Variants in SLC16A12 observed in about 807,000 individuals in gnomAD.
The protein encoded by SLC16A12 is monocarboxylate transporter 12.
A neutral mutation model predicts 42.4 loss-of-function variants in SLC16A12; 17 were observed. The observed-to-expected ratio is 0.40, with a 90% CI of 0.27 to 0.60. SLC16A12 has a LOEUF of 0.60. Ranked by LOEUF, SLC16A12 falls within the 20% of genes least tolerant of loss-of-function variation. The pLI is 0.42. For synonymous variants in SLC16A12, 224 were observed against 229.4 expected (o/e 0.98, Z 0.21); for missense variants, 544 against 623.0 (o/e 0.87, Z 1.35).
At chr10:89,450,756 TAAAA>T (rs1369354457) in intron 3 of SLC16A12, among the ~76,000 whole-genome samples, 2 of 151,948 alleles carry the variant, frequency 1.3e-5, no homozygotes, top group Admixed American at 1.3e-4. Context: ...TAAAGTATAA[TAAAA>T]AAAAGAAAAT....
intron 2 of SLC16A12, among the ~76,000 whole-genome samples, chr10:89,547,975 A>G (rs564265261): frequency 6.6e-6 from 1 of 151,664 alleles, no homozygotes; most frequent in East Asian, 1.9e-4. Context: ...GCAAAAAAAA[A>G]AAAAAAAAAA....
At chr10:89,479,225 C>A (rs1842626378) in intron 2 of SLC16A12, among the ~76,000 whole-genome samples, 1 of 152,154 alleles carries the variant, frequency 6.6e-6, no homozygotes, top group Non-Finnish European at 1.5e-5. Context: ...TTCTCCTTCT[C>A]CTCACTTTTC....
At chr10:89,452,064 T>C (rs956556143) in intron 3 of SLC16A12, among the ~76,000 whole-genome samples, 3 of 152,232 alleles carry the variant, frequency 2.0e-5, no homozygotes, top group African/African-American at 7.2e-5. Context: ...ATTTCTATCA[T>C]ATCCTTTTTC....
intron 3 of SLC16A12, among the ~76,000 whole-genome samples, chr10:89,461,217 T>C (rs561983073): frequency 1.3e-5 from 2 of 152,314 alleles, no homozygotes; most frequent in African/African-American, 4.8e-5. Flanking sequence ...TATTCAACAC[T>C]GACTTTGGAG....
chr10:89,489,499 C>T (rs1442074416), intron 2 of SLC16A12, among the ~76,000 whole-genome samples: 2 of 151,988 alleles, frequency 1.3e-5, no homozygotes, highest in Admixed American at 6.6e-5. Context: ...CCACTGTACC[C>T]GGCTAACTTT....
chr10:89,534,254 G>A (rs906502667), intron 2 of SLC16A12, among the ~76,000 whole-genome samples: 11 of 152,134 alleles, frequency 7.2e-5, no homozygotes, highest in African/African-American at 4.8e-5. Context: ...CCACAGTTTG[G>A]CACGACATTT....
intron 7 of SLC16A12, 34 bp downstream of exon 7, chr10:89,436,026 A>G: frequency 6.2e-7 from 1 of 1,612,798 alleles, no homozygotes; most frequent in Non-Finnish European, 8.5e-7. Context: ...TGCCAAAGAG[A>G]AAAGGTGGTT....
intron 2 of SLC16A12, among the ~76,000 whole-genome samples, chr10:89,490,033 A>G (rs1842824115): frequency 6.6e-6 from 1 of 152,190 alleles, no homozygotes; most frequent in African/African-American, 2.4e-5. Flanking sequence ...AAAAAACTAT[A>G]ACAATTTCTG....
At chr10:89,491,242 T>A (rs2133806661) in intron 2 of SLC16A12, among the ~76,000 whole-genome samples, 1 of 152,050 alleles carries the variant, frequency 6.6e-6, no homozygotes, top group East Asian at 1.9e-4. Flanking sequence ...GAGGGGATGG[T>A]TTTCTAACAG....
At chr10:89,495,409 A>T (rs1489789758) in intron 2 of SLC16A12, among the ~76,000 whole-genome samples, 1 of 152,158 alleles carries the variant, frequency 6.6e-6, no homozygotes, top group Non-Finnish European at 1.5e-5. Context: ...GTTTCTAGCT[A>T]CCACGCAAAA....
intron 4 of SLC16A12, among the ~76,000 whole-genome samples, chr10:89,443,336 C>G (rs56068644): frequency 0.011 from 1,605 of 152,292 alleles, 29 homozygotes; most frequent in African/African-American, 0.037. Context: ...GCACTTATGA[C>G]TATGTAAAAA....
rs1407352095 is a variant in SLC16A12 at position 89,462,544 on chromosome 10, G to C, written c.35C>G (p.Ser12Cys). The change falls in exon 3 of 8, where the codon TCC becomes TGC. Residue 12 changes from serine to cysteine, a missense_variant. Transcript: ENST00000371790. ...PSGSHWTANS[S>C]KIITWLLEQP... The stretch of plus-strand genomic sequence containing the variant: ...CTCCAACAGCCAAGTTATGATCTTG[G>C]AAGAGTTTGCTGTCCAGTGACTTCC... The C allele has an allele frequency of 6.2e-7, 1 of 1,612,056 alleles. No individual in the cohort carries two copies. The highest frequency in any genetic ancestry group is 8.5e-7 in the Non-Finnish European group (1 of 1,179,694).
chr10:89,468,345 C>T (rs552472649), intron 2 of SLC16A12, among the ~76,000 whole-genome samples: 24 of 152,300 alleles, frequency 1.6e-4, no homozygotes, highest in African/African-American at 5.3e-4. Context: ...GGGATAGATG[C>T]TATCTTTCTC....
intron 6 of SLC16A12, among the ~76,000 whole-genome samples, chr10:89,436,868 A>AAAAAAAGAAAGAAAGAAAGAAAG (rs1554884214): frequency 3.3e-5 from 4 of 120,428 alleles, no homozygotes; most frequent in Non-Finnish European, 5.2e-5. Context: ...GAAATAAAGA[A>AAAAAAAGAAAGAAAGAAAGAAAG]AAAGAAAGAA....
chr10:89,521,544 CCA>C (rs766142968), intron 2 of SLC16A12, among the ~76,000 whole-genome samples: 1 of 152,206 alleles, frequency 6.6e-6, no homozygotes. Flanking sequence ...GCAGAGGACA[CCA>C]CACTGAGTCC....
chr10:89,455,742 T>C (rs1214271115), intron 3 of SLC16A12, among the ~76,000 whole-genome samples: 2 of 152,230 alleles, frequency 1.3e-5, no homozygotes, highest in African/African-American at 4.8e-5. Flanking sequence ...AGCAGGGTCC[T>C]GATCCCTGGT....
intron 4 of SLC16A12, among the ~76,000 whole-genome samples, chr10:89,443,475 C>T (rs1004829540): frequency 1.8e-4 from 27 of 152,306 alleles, no homozygotes; most frequent in African/African-American, 5.8e-4. Flanking sequence ...GAATGCTCAG[C>T]GTCCTATCTC....
At chr10:89,542,992 G>A (rs901314702) in intron 2 of SLC16A12, among the ~76,000 whole-genome samples, 3 of 152,120 alleles carry the variant, frequency 2.0e-5, no homozygotes, top group Non-Finnish European at 4.4e-5. Context: ...TCTTTCCCAT[G>A]TCTGGGCTAC....
intron 2 of SLC16A12, among the ~76,000 whole-genome samples, chr10:89,498,699 C>A (rs1455350054): frequency 6.6e-6 from 1 of 152,178 alleles, no homozygotes; most frequent in East Asian, 1.9e-4. Context: ...AGAGGACCCA[C>A]AGACCCTCTG....
Sources: gnomAD v4.1 joint callset for allele counts (sites outside exome capture counted in the v4.1 genomes callset) on GRCh38, gnomAD v4.1.1 for gene constraint, MANE v1.5 for transcripts, NCBI Gene and HGNC (gene_info 2026-07-23, HGNC 2026-07-21) for gene names.